The following PC variants were observed in gnomAD, a reference collection of about 807,000 sequenced individuals.
The protein encoded by PC is pyruvate carboxylase, mitochondrial.
Under a neutral mutation model 107.8 loss-of-function variants are expected in PC, and 46 were observed. The ratio of observed to expected loss-of-function variants is 0.43; its 90% CI spans 0.34 to 0.55. PC has a LOEUF of 0.55. Ranked by LOEUF, PC falls within the 20% of genes least tolerant of loss-of-function variation. The pLI is 0.04. For missense variants in PC, 1,241 were observed against 1,643.1 expected, an observed-to-expected ratio of 0.76 and a Z score of 4.23; for synonymous variants, 662 against 684.7, an observed-to-expected ratio of 0.97 and a Z score of 0.52.
Position 66,858,396 on chromosome 11 carries a change from C to A in PC, c.1369-5013G>T. On this transcript the variant is annotated intron_variant, in intron 12 of 22. Transcript: ENST00000393960. The surrounding 1 kb of genome is among the most constrained non-coding windows in gnomAD (Gnocchi z 5.9). ...TCCGGACCCGCTTTTCTCTCGTGGG[C>A]GTGATGCAGAGGCCTCTCCCGCCCC... 6.4e-7 allele frequency: 1 copy of A among 1,563,334 alleles called. No individual in the cohort carries two copies.
chr11:66,853,145 G>T, intron 13 of PC, 94 bp downstream of exon 13: 1 of 1,454,164 alleles, frequency 6.9e-7, no homozygotes, highest in Non-Finnish European at 9.4e-7. Context: ...GCACTAAGGA[G>T]TTCTTTGGTC....
chr11:66,914,536 G>A (rs867937211), intron 3 of PC, among the ~76,000 whole-genome samples: 6 of 151,030 alleles, frequency 4.0e-5, no homozygotes, highest in Admixed American at 4.0e-4. Flanking sequence ...AAGAAAGAAA[G>A]ACTTTGCCAG....
At chr11:66,937,630 A>G (rs1008718624) in intron 3 of PC, among the ~76,000 whole-genome samples, 2 of 151,578 alleles carry the variant, frequency 1.3e-5, no homozygotes, top group Admixed American at 6.6e-5. Flanking sequence ...ATTTTCCTTC[A>G]TTCTTTTTTC....
chr11:66,866,127 C>T lies in PC; in HGVS notation c.1185+60G>A, dbSNP rs1946480881. Reference sequence around the variant, plus strand: ...GGCAACTTGGCACTGCAGCCCCAGGCACCAGGCAGAACCTGTGCACAGGTG... The same window carrying T: ...GGCAACTTGGCACTGCAGCCCCAGGTACCAGGCAGAACCTGTGCACAGGTG... On this transcript the variant is annotated intron_variant, in intron 11 of 22. Transcript: ENST00000393960. This position sits in a 1 kb window ranked among gnomAD's most constrained non-coding sequence, Gnocchi z 5.4. 7 of 1,565,610 alleles carry T rather than the reference C, an allele frequency of 4.5e-6. No homozygotes were observed. The highest frequency in any genetic ancestry group is 5.2e-6 in the Non-Finnish European group (6 of 1,154,508).
At chr11:66,925,884 C>T (rs1293481921) in intron 3 of PC, among the ~76,000 whole-genome samples, 2 of 151,532 alleles carry the variant, frequency 1.3e-5, no homozygotes, top group Non-Finnish European at 2.9e-5. Flanking sequence ...CGGGTCCCTC[C>T]GTTCAGGGTT....
At chr11:66,902,943 C>T (rs1028811917) in intron 3 of PC, among the ~76,000 whole-genome samples, 6 of 152,208 alleles carry the variant, frequency 3.9e-5, no homozygotes, top group Non-Finnish European at 8.8e-5. Context: ...ACAGCGGCTG[C>T]GGCAAGCCGG....
At chr11:66,855,071 G>A (rs751830024) in intron 12 of PC, among the ~76,000 whole-genome samples, 2 of 152,236 alleles carry the variant, frequency 1.3e-5, no homozygotes, top group Admixed American at 1.3e-4. Flanking sequence ...AGGGCTGAGC[G>A]CAGACCCACA....
chr11:66,854,622 G>A (rs1565218644), intron 12 of PC, among the ~76,000 whole-genome samples: 2 of 152,002 alleles, frequency 1.3e-5, no homozygotes, highest in East Asian at 1.9e-4. Flanking sequence ...GCTGTGTAGC[G>A]ACAGCCCTGG....
At chr11:66,911,520 C>G (rs1275886531) in intron 3 of PC, among the ~76,000 whole-genome samples, 2 of 152,020 alleles carry the variant, frequency 1.3e-5, no homozygotes, top group Non-Finnish European at 2.9e-5. Flanking sequence ...CTGCAGTGAG[C>G]TATGATCACA....
At chr11:66,859,790 G>T in intron 12 of PC, 1 of 1,598,640 alleles carries the variant, frequency 6.3e-7, no homozygotes. Context: ...CCACGCTGCC[G>T]GCCTCGCCCC....
Position 66,857,321 on chromosome 11 carries a change from C to G in PC, c.1369-3938G>C, listed in dbSNP as rs1191907290. 1 of 150,952 alleles carries G rather than the reference C, an allele frequency of 6.6e-6. No homozygotes were observed. Among genetic ancestry groups the G allele is most frequent in the Non-Finnish European group, 1.5e-5 (1 of 68,340 alleles). 9.4% of individuals were successfully genotyped at this position (150,952 alleles called of 1,614,324 possible). A position where few individuals can be genotyped will look rare whatever the true frequency, so the allele number is the denominator to read the frequency against. ...GGTGAGGGGGCCGCCGGGCGCAGCG[C>G]GGGGGCCGGCCAGGGAGGGGCCACG... On this transcript the variant is annotated intron_variant, in intron 12 of 22. Coordinates refer to ENST00000393960, the MANE Select transcript of PC (RefSeq NM_001040716.2). The surrounding 1 kb of genome is among the most constrained non-coding windows in gnomAD (Gnocchi z 7.1).
Position 66,852,956 on chromosome 11 carries a change from G to T in PC, c.1514-120C>A, listed in dbSNP as rs967827656. The T allele has an allele frequency of 1.3e-5, 11 of 829,058 alleles. No individual in the cohort carries two copies. The highest frequency in any genetic ancestry group is 1.9e-5 in the Non-Finnish European group (10 of 538,758). 51.4% of individuals were successfully genotyped at this position (829,058 alleles called of 1,614,324 possible). A position where few individuals can be genotyped will look rare whatever the true frequency, so the allele number is the denominator to read the frequency against. On this transcript the variant is annotated intron_variant, in intron 13 of 22. Transcript: ENST00000393960. The surrounding 1 kb of genome is among the most constrained non-coding windows in gnomAD (Gnocchi z 4.7). ...TCCCTCCAGGATCCCCGGGCTTCCA[G>T]CTGGCCCCTGTCCTCTCCAAAGCCA...
At chr11:66,949,182 C>T (rs1949378997) in intron 3 of PC, among the ~76,000 whole-genome samples, 1 of 150,840 alleles carries the variant, frequency 6.6e-6, no homozygotes, top group Non-Finnish European at 1.5e-5. Flanking sequence ...TTAGTAGCGA[C>T]AGGGTTTCAC....
intron 10 of PC, among the ~76,000 whole-genome samples, chr11:66,868,463 G>A (rs1005202523): frequency 2.6e-5 from 4 of 152,176 alleles, no homozygotes; most frequent in Admixed American, 2.6e-4. Flanking sequence ...AGGTAAACCG[G>A]GAAAGGAGCA....
intron 3 of PC, among the ~76,000 whole-genome samples, chr11:66,878,578 C>A (rs921999310): frequency 1.3e-5 from 2 of 152,176 alleles, no homozygotes; most frequent in East Asian, 1.9e-4. Flanking sequence ...GCATTGGATC[C>A]TCATTTTTTC....
chr11:66,889,456 C>T (rs758125039), intron 3 of PC, among the ~76,000 whole-genome samples: 4 of 152,006 alleles, frequency 2.6e-5, no homozygotes, highest in South Asian at 2.1e-4. Context: ...CTGCAATCTC[C>T]GCCTCCCAGG....
intron 3 of PC, among the ~76,000 whole-genome samples, chr11:66,918,900 C>T (rs1342640359): frequency 1.3e-5 from 2 of 152,014 alleles, no homozygotes; most frequent in East Asian, 1.9e-4. Context: ...AGAACTTCTC[C>T]CTGGAAGATT....
chr11:66,940,846 G>T lies in PC; in HGVS notation c.-1+11584C>A, dbSNP rs527648402. ...CTCACGCCTGTAATCCCAGTACTTT[G>T]GGAGGCTGAGGCAGGTGGTCACTTG... On this transcript the variant is annotated intron_variant, in intron 3 of 22. Transcript: ENST00000393960. 6.6e-5 allele frequency among the ~76,000 whole-genome samples: 10 copies of T among 152,220 alleles called. No homozygotes were observed. The South Asian group carries it at 1.9e-3, about 28-fold the overall frequency.
chr11:66,952,642 A>AAG (rs1239935349), intron 2 of PC, among the ~76,000 whole-genome samples, 174 bp from the exon 3 acceptor site: 1 of 152,158 alleles, frequency 6.6e-6, no homozygotes, highest in East Asian at 1.9e-4. Flanking sequence ...CCCGGATTCA[A>AAG]GCGATTCTCC....
Sources: allele counts gnomAD v4.1 joint callset (sites outside exome capture counted in the v4.1 genomes callset), GRCh38; gene constraint gnomAD v4.1.1; non-coding constraint Gnocchi (gnomAD v3.1); transcripts MANE v1.5; gene names NCBI Gene and HGNC (gene_info 2026-07-23, HGNC 2026-07-21).